RIMKLB: variants seen among roughly 807,000 people sequenced by gnomAD.
RIMKLB encodes the protein ribosomal modification protein rimK like family member B.
RIMKLB carries 7 observed loss-of-function variants against 32.0 expected under a neutral mutation model. The ratio of observed to expected loss-of-function variants is 0.22; its 90% CI spans 0.12 to 0.41. The LOEUF is 0.41. Ranked by LOEUF, RIMKLB falls within the 10% of genes least tolerant of loss-of-function variation. The probability of loss-of-function intolerance (pLI) is 1.00; values close to 1 mark genes in which losing one functional copy is unlikely to be tolerated. For synonymous variants in RIMKLB, 172 were observed against 185.1 expected (o/e 0.93, Z 0.57); for missense variants, 289 against 498.7 (o/e 0.58, Z 4.00).
intron 2 of RIMKLB, among the ~76,000 whole-genome samples, chr12:8,741,159 C>A (rs551353402): frequency 9.2e-5 from 14 of 151,396 alleles, no homozygotes; most frequent in Non-Finnish European, 1.8e-4. Flanking sequence ...TGAGCCGAGA[C>A]TGAGCCACTG....
At position 8,746,941 on chromosome 12, in the gene RIMKLB, A is replaced by G. The variant is rs1948149699; in HGVS notation, c.176-2921A>G. 2.6e-5 allele frequency among the ~76,000 whole-genome samples: 4 copies of G among 152,122 alleles called. No homozygotes were observed. The South Asian group carries it at 8.3e-4, about 32-fold the overall frequency. Reference sequence around the variant, plus strand: ...GTTTTTTTGTAGAGACGTGGATCTCATGTTGCCTAGGCTAGTTTCGAATTC... The same window carrying G: ...GTTTTTTTGTAGAGACGTGGATCTCGTGTTGCCTAGGCTAGTTTCGAATTC... On this transcript the variant is annotated intron_variant, in intron 2 of 5. Coordinates refer to ENST00000535829, the MANE Select transcript of RIMKLB (RefSeq NM_001297776.2).
At chr12:8,679,888 C>T (rs74907684), upstream of RIMKLB, among the ~76,000 whole-genome samples, 211 of 152,288 alleles carry the variant, frequency 1.4e-3, 1 homozygote, top group East Asian at 0.015. Context: ...TTGAAACCTA[C>T]GGGTCTACAT....
intron 2 of RIMKLB, among the ~76,000 whole-genome samples, chr12:8,741,815 G>C (rs893136981): frequency 6.6e-6 from 1 of 151,794 alleles, no homozygotes; most frequent in Admixed American, 6.6e-5. Context: ...TGGGTGACAG[G>C]ATCAGTTATA....
intron 2 of RIMKLB, among the ~76,000 whole-genome samples, chr12:8,732,756 T>TATACACACACAC (rs1213499853): frequency 2.0e-5 from 3 of 150,048 alleles, no homozygotes; most frequent in African/African-American, 7.5e-5. Flanking sequence ...TATATATATA[T>TATACACACACAC]ACACACACAC....
At chr12:8,719,604 G>A (rs771754921) in intron 2 of RIMKLB, among the ~76,000 whole-genome samples, 3 of 152,080 alleles carry the variant, frequency 2.0e-5, no homozygotes, top group South Asian at 2.1e-4. Flanking sequence ...CCTGACCTCC[G>A]GTGATCCGCC....
intron 5 of RIMKLB, among the ~76,000 whole-genome samples, chr12:8,761,848 G>A (rs772782161): frequency 6.6e-6 from 1 of 152,240 alleles, no homozygotes; most frequent in South Asian, 2.1e-4. Flanking sequence ...TCGTGCAGTC[G>A]AGATTTCCTC....
intron 2 of RIMKLB, among the ~76,000 whole-genome samples, chr12:8,715,447 A>G (rs974590014): frequency 1.3e-5 from 2 of 151,082 alleles, no homozygotes; most frequent in African/African-American, 4.9e-5. Context: ...CTGGTCTCCA[A>G]CTCTGAACTC....
At chr12:8,673,755 C>T in the RIMKLB span, among the ~76,000 whole-genome samples, 2 of 152,018 alleles carry the variant, frequency 1.3e-5, no homozygotes, top group Non-Finnish European at 2.9e-5. Context: ...GCCACCATGC[C>T]TGGCTAATGT....
In RIMKLB at chr12:8,773,672, C is replaced by T; in HGVS notation, c.1049C>T (p.Ser350Phe). Residue 350 changes from serine (S) to phenylalanine (F), a missense_variant, in exon 6 of 6, where the codon TCT becomes TTT. Transcript: ENST00000535829. ...AVDNMSASSS[S>F]VDSDPESTER... is the part of the protein sequence containing the mutation. ...GACAACATGAGTGCAAGTTCCAGCT[C>T]TGTTGACAGCGACCCTGAAAGCACG... is the stretch of plus-strand genomic sequence containing the variant. The T allele has an allele frequency of 6.2e-7, 1 of 1,614,256 alleles. No homozygotes were observed. Among genetic ancestry groups the T allele is most frequent in the Non-Finnish European group, 8.5e-7 (1 of 1,180,050 alleles).
chr12:8,741,399 T>C (rs931236095), intron 2 of RIMKLB, among the ~76,000 whole-genome samples: 4 of 148,186 alleles, frequency 2.7e-5, no homozygotes, highest in African/African-American at 1.0e-4. Flanking sequence ...GGAGAATCAG[T>C]TCTTCAATTT....
At chr12:8,710,738 C>T (rs1364822749) in intron 1 of RIMKLB, among the ~76,000 whole-genome samples, 1 of 152,184 alleles carries the variant, frequency 6.6e-6, no homozygotes, top group African/African-American at 2.4e-5. Context: ...CGGAACATTT[C>T]TGCTTCCCAA....
At chr12:8,723,125 G>T (rs1444398756) in intron 2 of RIMKLB, among the ~76,000 whole-genome samples, 1 of 152,120 alleles carries the variant, frequency 6.6e-6, no homozygotes, top group Non-Finnish European at 1.5e-5. Flanking sequence ...CTAGTTTCTG[G>T]CCTGTCTCAC....
intron 1 of RIMKLB, among the ~76,000 whole-genome samples, chr12:8,702,108 C>A (rs1054596545): frequency 9.2e-5 from 14 of 152,050 alleles, no homozygotes; most frequent in African/African-American, 3.4e-4. Context: ...TTTGATATAG[C>A]AGATTATTAA....
At chr12:8,681,230 AC>A (rs1417003261), upstream of RIMKLB, among the ~76,000 whole-genome samples, 1 of 152,066 alleles carries the variant, frequency 6.6e-6, no homozygotes, top group African/African-American at 2.4e-5. Flanking sequence ...CTCCCAAAGT[AC>A]TAGGATTACA....
In RIMKLB at chr12:8,691,951, C is replaced by A. The variant is rs546531417; in HGVS notation, n.219+10133C>A. Among the ~76,000 whole-genome samples, 5 of 152,048 alleles carry A rather than the reference C, an allele frequency of 3.3e-5. No homozygotes were observed. In the East Asian group the frequency reaches 9.6e-4, roughly 29 times the overall value. On this transcript the variant is annotated intron_variant and non_coding_transcript_variant, in intron 1 of 1. Transcript: ENST00000538758. ...ATATTATCATTTCTCTGGTTGGATT[C>A]TATGGATGCATTATCTACAAATTCA...
chr12:8,707,172 C>T (rs1465692062), intron 1 of RIMKLB, among the ~76,000 whole-genome samples: 1 of 152,168 alleles, frequency 6.6e-6, no homozygotes, highest in African/African-American at 2.4e-5. Context: ...AGCTAGGTGT[C>T]CTCTAATTTC....
chr12:8,776,647 ACTATT>A lies in RIMKLB; in HGVS notation c.*2869_*2873del. The A allele has an allele frequency of 1.1e-6, 1 of 939,862 alleles. No homozygotes were observed. The allele number at this position is 939,862 out of a possible 1,614,324, so 58.2% of individuals were successfully genotyped here. ...TATATATCTAAACATACAAGTATGA[ACTATT>A]CTATTTAAAATTTTTAATAGTTTTT... On this transcript the variant is annotated 3_prime_UTR_variant, in exon 6 of 6. Transcript: ENST00000535829.
At chr12:8,744,725 GTC>G (rs1318341944) in intron 2 of RIMKLB, among the ~76,000 whole-genome samples, 4 of 151,712 alleles carry the variant, frequency 2.6e-5, no homozygotes, top group Non-Finnish European at 4.4e-5. Context: ...GAGTGGCACA[GTC>G]TCTGCTCACT....
In RIMKLB at chr12:8,752,739, TG is replaced by T. The variant is rs59684173; in HGVS notation, c.493+697del. Among the ~76,000 whole-genome samples, 165 of 149,524 alleles carry T rather than the reference TG, an allele frequency of 1.1e-3. 1 individual carries two copies. The highest frequency in any genetic ancestry group is 1.7e-3 in the Non-Finnish European group (118 of 67,980). On this transcript the variant is annotated intron_variant, in intron 4 of 5. Transcript: ENST00000535829. Reference sequence around the variant, plus strand: ...GGTTGTTGTTGTTGTTGTTATTGTTTGTTTTTTGTTTTTTTTTTGAGATGGA... The same window carrying T: ...GGTTGTTGTTGTTGTTGTTATTGTTTTTTTTTGTTTTTTTTTTGAGATGGA...
Sources: gnomAD v4.1 joint callset for allele counts (sites outside exome capture counted in the v4.1 genomes callset) on GRCh38, gnomAD v4.1.1 for gene constraint, MANE v1.5 for transcripts, NCBI Gene and HGNC (gene_info 2026-07-23, HGNC 2026-07-21) for gene names.